Variants in GCDH observed in about 807,000 individuals in gnomAD.
GCDH encodes glutaryl-CoA dehydrogenase, mitochondrial.
Under a neutral mutation model 52.8 loss-of-function variants are expected in GCDH, and 31 were observed. The observed-to-expected ratio is 0.59, with a 90% CI of 0.44 to 0.79. The LOEUF is 0.79. Among genes scored for constraint, GCDH ranks in the 30% least tolerant of loss-of-function variants. The pLI is 0.00. For missense variants in GCDH, 509 were observed against 595.0 expected (o/e 0.86, Z 1.50); for synonymous variants, 242 against 250.0 (o/e 0.97, Z 0.30).
chr19:12,899,441 A>T (rs773341347), intron 11 of GCDH, 27 bp from the exon 12 acceptor site: 1 of 1,614,170 alleles, frequency 6.2e-7, no homozygotes, highest in East Asian at 2.2e-5. Flanking sequence ...GAAAACTCCA[A>T]ACCGACTCTG....
In GCDH at chr19:12,897,238, C is replaced by G. The variant is rs538544813; in HGVS notation, c.957-65C>G. ...GGAAGGCGTCCTGGAGCAGGGGGCC[C>G]CAGGACAGGGACGGGGTGGGAGAGT... On this transcript the variant is annotated intron_variant, in intron 9 of 11. Transcript: ENST00000222214. The G allele has an allele frequency of 5.6e-6, 9 of 1,606,810 alleles. No individual in the cohort carries two copies. The South Asian group carries it at 8.9e-5, about 16-fold the overall frequency.
chr19:12,894,666 G>T (rs1287948286), intron 6 of GCDH: 4 of 798,708 alleles, frequency 5.0e-6, no homozygotes, highest in Non-Finnish European at 8.1e-6. Context: ...AAGATTCAGC[G>T]CCTTGTCACT....
intron 1 of GCDH, 21 bp downstream of exon 1, chr19:12,891,223 C>G: frequency 8.6e-7 from 1 of 1,166,894 alleles, no homozygotes; most frequent in Non-Finnish European, 1.2e-6. Flanking sequence ...TGCGGTAGCC[C>G]CAGCCGTGGG....
rs759076157 is a variant in GCDH, at chr19:12,891,918, G to A, written c.215G>A (p.Arg72His). 3.7e-6 allele frequency: 6 copies of A among 1,614,174 alleles called. No individual in the cohort carries two copies. The highest frequency in any genetic ancestry group is 2.2e-5 in the South Asian group (2 of 91,082). The change falls in exon 4 of 12, where the codon CGC becomes CAC. Residue 72 changes from arginine to histidine, a missense_variant. Physicochemically the swap from Arg to His is conservative, Grantham distance 29. Transcript: ENST00000222214. ...GAGATCCTCATCAGGGACACCTTCC[G>A]CACCTACTGCCAGGAGAGACTCATG... is the stretch of plus-strand genomic sequence containing the variant. ...TDEILIRDTF[R>H]TYCQERLMPR...
Position 12,896,757 on chromosome 19 carries a change from T to A in GCDH, c.853-153T>A, listed in dbSNP as rs1328337801. 6.6e-6 allele frequency among the ~76,000 whole-genome samples: 1 copy of A among 152,138 alleles called. No individual in the cohort carries two copies. Among genetic ancestry groups the A allele is most frequent in the East Asian group, 1.9e-4 (1 of 5,174 alleles). On this transcript the variant is annotated intron_variant, in intron 8 of 11. Transcript: ENST00000222214. The surrounding 1 kb of genome is among the most constrained non-coding windows in gnomAD (Gnocchi z 5.5). ...CAAACCGAGTGAGCAGGCACCGAGCTTCAGTGCCAGGGCCATCTGTGATGT... is the reference window on the plus strand; with the variant it reads ...CAAACCGAGTGAGCAGGCACCGAGCATCAGTGCCAGGGCCATCTGTGATGT...
chr19:12,894,843 G>A, intron 6 of GCDH: 2 of 546,062 alleles, frequency 3.7e-6, no homozygotes, highest in South Asian at 3.1e-5. Flanking sequence ...TCCTCTCTGC[G>A]AGCTTCCACT....
chr19:12,891,464 A>C (rs1970554325), intron 2 of GCDH, 23 bp from the exon 3 acceptor site: 2 of 1,614,180 alleles, frequency 1.2e-6, no homozygotes, highest in Non-Finnish European at 1.7e-6. Context: ...TTCCGGGGTG[A>C]CTTTCCCGTT....
In GCDH at chr19:12,896,138, G is replaced by T. The variant is rs1445875476; in HGVS notation, c.635+17G>T. 1.2e-6 allele frequency: 2 copies of T among 1,614,162 alleles called. No homozygotes were observed. Among genetic ancestry groups the T allele is most frequent in the South Asian group, 1.1e-5 (1 of 91,088 alleles). ...CAAGACCTGGTAAGGGTTCTGGGTG[G>T]TGGGCAGGTGGTGAACAGGGGCAAA... On this transcript the variant is annotated intron_variant, in intron 7 of 11. Coordinates refer to ENST00000222214, the MANE Select transcript of GCDH (RefSeq NM_000159.4). The surrounding 1 kb of genome is among the most constrained non-coding windows in gnomAD (Gnocchi z 5.5).
Position 12,899,986 on chromosome 19 carries a change from C to G in GCDH, c.*445C>G. The G allele has an allele frequency of 6.2e-7, 1 of 1,612,794 alleles. No individual in the cohort carries two copies. Among genetic ancestry groups the G allele is most frequent in the Non-Finnish European group, 8.5e-7 (1 of 1,179,932 alleles). ...CACATCTGACCCCAAGGTGTCAGGC[C>G]GGTTTACTGGTAACCACCTGAGAAG... On this transcript the variant is annotated 3_prime_UTR_variant, in exon 12 of 12. Transcript: ENST00000222214.
chr19:12,893,656 G>A lies in GCDH; in HGVS notation c.505+3G>A. The A allele has an allele frequency of 6.2e-7, 1 of 1,613,146 alleles. No individual in the cohort carries two copies. Among genetic ancestry groups the A allele is most frequent in the Non-Finnish European group, 8.5e-7 (1 of 1,179,246 alleles). On this transcript the variant is annotated splice_donor_region_variant and intron_variant, in intron 6 of 11. Coordinates refer to ENST00000222214, the MANE Select transcript of GCDH (RefSeq NM_000159.4). ...GCAGAAGTACCTGCCCCAGCTGGGT[G>A]AGTGGCTGCCCATGGGGCCTGGTGG...
rs1196617983 is a variant in GCDH, at chr19:12,896,172, G to T, written c.636-33G>T. 4 of 1,613,866 alleles carry T rather than the reference G, an allele frequency of 2.5e-6. No individual in the cohort carries two copies. The highest frequency in any genetic ancestry group is 3.4e-6 in the Non-Finnish European group (4 of 1,179,872). ...TGGTGAACAGGGGCAAAGGGGCACTGGTCAGACCCCTCACCGACTGTTCCA... is the reference window on the plus strand; with the variant it reads ...TGGTGAACAGGGGCAAAGGGGCACTTGTCAGACCCCTCACCGACTGTTCCA... On this transcript the variant is annotated intron_variant, in intron 7 of 11. Transcript: ENST00000222214. The surrounding 1 kb of genome is among the most constrained non-coding windows in gnomAD (Gnocchi z 5.5).
chr19:12,893,438 G>A (rs771523615), intron 5 of GCDH, 45 bp from the exon 6 acceptor site: 6 of 1,555,334 alleles, frequency 3.9e-6, no homozygotes, highest in Non-Finnish European at 5.3e-6. Context: ...AGCTGGGCAG[G>A]GCCCTGTTCT....
chr19:12,891,739 A>G, intron 3 of GCDH, 92 bp from the exon 4 acceptor site: 1 of 1,594,670 alleles, frequency 6.3e-7, no homozygotes, highest in South Asian at 1.1e-5. Context: ...CCGGGGGGCG[A>G]CATGGGTGTT....
At position 12,897,963 on chromosome 19, in the gene GCDH, C is replaced by T. The variant is rs771695571; in HGVS notation, c.1243+100C>T. The T allele has an allele frequency of 1.5e-5, 15 of 986,058 alleles. No homozygotes were observed. The Middle Eastern group carries it at 1.0e-3, about 67-fold the overall frequency. The allele number at this position is 986,058 out of a possible 1,614,324, so 61.1% of individuals were successfully genotyped here. On this transcript the variant is annotated intron_variant, in intron 11 of 11. Coordinates refer to ENST00000222214, the MANE Select transcript of GCDH (RefSeq NM_000159.4). Reference sequence around the variant, plus strand: ...CAGGTCTGAGTCCAACTCCACCTATCACTAAGTGACAGTGTGACCTGGGGC... The same window carrying T: ...CAGGTCTGAGTCCAACTCCACCTATTACTAAGTGACAGTGTGACCTGGGGC...
Position 12,897,818 on chromosome 19 carries a change from G to GT in GCDH, c.1199dup (p.Ile401AspfsTer18), listed in dbSNP as rs1970722328. 1.5e-5 allele frequency: 25 copies of GT among 1,613,896 alleles called. No individual in the cohort carries two copies. Among genetic ancestry groups the GT allele is most frequent in the Non-Finnish European group, 2.0e-5 (24 of 1,179,988 alleles). On this transcript the variant is annotated frameshift_variant, in exon 11 of 12. Transcript: ENST00000222214. LOFTEE classifies it high-confidence loss of function. ...GAATGGGATTTCTGACGAGTATCACGTGATCCGGCACGCCATGAACCTGGA... is the reference window on the plus strand; with the variant it reads ...GAATGGGATTTCTGACGAGTATCACGTTGATCCGGCACGCCATGAACCTGGA...
In GCDH at chr19:12,896,777, T is replaced by C. The variant is rs1970690925; in HGVS notation, c.853-133T>C. ...CGAGCTTCAGTGCCAGGGCCATCTG[T>C]GATGTGAACCACAACCTGAGTCCCC... On this transcript the variant is annotated intron_variant, in intron 8 of 11. Transcript: ENST00000222214. The surrounding 1 kb of genome is among the most constrained non-coding windows in gnomAD (Gnocchi z 5.5). 3 of 714,722 alleles carry C rather than the reference T, an allele frequency of 4.2e-6. No individual in the cohort carries two copies. In the African/African-American group the frequency reaches 5.2e-5, roughly 12 times the overall value. The allele number at this position is 714,722 out of a possible 1,614,324, so 44.3% of individuals were successfully genotyped here.
Position 12,893,470 on chromosome 19 carries a change from C to G in GCDH, c.335-13C>G. On this transcript the variant is annotated splice_polypyrimidine_tract_variant and intron_variant, in intron 5 of 11. Transcript: ENST00000222214. ...TTCTCTATTGTCCTGCTTTCCCCTCCTACTACCACCAGGATATGGCTGTGC... is the reference window on the plus strand; with the variant it reads ...TTCTCTATTGTCCTGCTTTCCCCTCGTACTACCACCAGGATATGGCTGTGC... 1 of 1,612,632 alleles carries G rather than the reference C, an allele frequency of 6.2e-7. No homozygotes were observed. Among genetic ancestry groups the G allele is most frequent in the Non-Finnish European group, 8.5e-7 (1 of 1,178,622 alleles).
chr19:12,899,831 A>T lies in GCDH; in HGVS notation c.*290A>T. The T allele has an allele frequency of 6.4e-7, 1 of 1,571,712 alleles. No homozygotes were observed. Among genetic ancestry groups the T allele is most frequent in the Admixed American group, 1.7e-5 (1 of 59,682 alleles). The stretch of plus-strand genomic sequence containing the variant: ...TTCTCTTGAGAGGAGAGTGACATGG[A>T]AGCAACTCCGTCTGCTGCAGCTGAC... On this transcript the variant is annotated 3_prime_UTR_variant, in exon 12 of 12. Coordinates refer to ENST00000222214, the MANE Select transcript of GCDH (RefSeq NM_000159.4).
chr19:12,899,071 G>A (rs979742155), intron 11 of GCDH: 16 of 510,442 alleles, frequency 3.1e-5, no homozygotes, highest in Non-Finnish European at 4.3e-5. Context: ...GCAAGGAAGC[G>A]TGGCCAGGTT....
Sources: gnomAD v4.1 joint callset for allele counts (sites outside exome capture counted in the v4.1 genomes callset) on GRCh38, gnomAD v4.1.1 for gene constraint, Gnocchi (gnomAD v3.1) non-coding constraint, MANE v1.5 for transcripts, NCBI Gene and HGNC (gene_info 2026-07-23, HGNC 2026-07-21) for gene names.